STK33: variants seen among roughly 807,000 people sequenced by gnomAD.
STK33 encodes the protein serine/threonine kinase 33.
A neutral mutation model predicts 58.0 loss-of-function variants in STK33; 52 were observed. The ratio of observed to expected loss-of-function variants is 0.90; its 90% CI spans 0.72 to 1.13. The LOEUF is 1.13. Among genes scored for constraint, STK33 ranks in the 50% most tolerant of loss-of-function variants. The pLI is 0.00. For synonymous variants in STK33, 215 were observed against 200.1 expected (o/e 1.07, Z -0.63); for missense variants, 630 against 604.2 (o/e 1.04, Z -0.45).
At chr11:8,544,316 T>TATGTATATAC (rs1435121571) in intron 1 of STK33, among the ~76,000 whole-genome samples, 2 of 147,334 alleles carry the variant, frequency 1.4e-5, no homozygotes, top group East Asian at 1.9e-4. Flanking sequence ...ATATATAAAA[T>TATGTATATAC]ATGTATATAT....
Position 8,521,986 on chromosome 11 carries a change from G to A in STK33, c.-465-41372C>T, listed in dbSNP as rs1953492662. Among the ~76,000 whole-genome samples, 4 of 152,166 alleles carry A rather than the reference G, an allele frequency of 2.6e-5. No homozygotes were observed. The South Asian group carries it at 8.3e-4, about 32-fold the overall frequency. On this transcript the variant is annotated intron_variant, in intron 1 of 15. Transcript: ENST00000687296. ...AGAAAGTCAGGAAACAACAGATACT[G>A]GAGAGGATGTGGAGAAAAAAAACAC...
chr11:8,589,857 T>C (rs1212344376), intron 1 of STK33, among the ~76,000 whole-genome samples: 1 of 152,136 alleles, frequency 6.6e-6, no homozygotes, highest in Non-Finnish European at 1.5e-5. Flanking sequence ...ATAAAGAAGA[T>C]TGAGAGAAAA....
the STK33 span, among the ~76,000 whole-genome samples, chr11:8,370,401 T>C: frequency 1.3e-5 from 2 of 152,152 alleles, no homozygotes; most frequent in Admixed American, 1.3e-4. Context: ...TCTCACTGTG[T>C]TGCCCAGGCT....
At chr11:8,477,997 T>C (rs1949442858) in intron 2 of STK33, among the ~76,000 whole-genome samples, 1 of 152,206 alleles carries the variant, frequency 6.6e-6, no homozygotes, top group Non-Finnish European at 1.5e-5. Context: ...CATGCAAAAT[T>C]TCTTGACAAG....
chr11:8,470,018 A>T (rs1948620359), intron 6 of STK33, among the ~76,000 whole-genome samples: 1 of 152,360 alleles, frequency 6.6e-6, no homozygotes, highest in South Asian at 2.1e-4. Context: ...ATTTCAAAAC[A>T]ATAAATGAGC....
the STK33 span, among the ~76,000 whole-genome samples, chr11:8,372,629 C>G: frequency 2.6e-5 from 4 of 152,248 alleles, no homozygotes; most frequent in African/African-American, 9.6e-5. Flanking sequence ...ACCGCATAGG[C>G]GGGTTGAAGG....
chr11:8,398,418 T>C (rs1380390291), intron 15 of STK33, among the ~76,000 whole-genome samples: 1 of 152,138 alleles, frequency 6.6e-6, no homozygotes, highest in Non-Finnish European at 1.5e-5. Context: ...TGCTGAGAGA[T>C]TTTGTCACCA....
intron 1 of STK33, among the ~76,000 whole-genome samples, chr11:8,491,919 T>G (rs544057651): frequency 1.1e-4 from 17 of 152,280 alleles, no homozygotes; most frequent in African/African-American, 4.1e-4. Context: ...CCACCAGGCC[T>G]GCCCTAAAAG....
the STK33 span, among the ~76,000 whole-genome samples, chr11:8,384,588 T>A: frequency 6.6e-6 from 1 of 152,194 alleles, no homozygotes; most frequent in African/African-American, 2.4e-5. Flanking sequence ...TTTAACTTCC[T>A]AGAAGACAGC....
intron 1 of STK33, among the ~76,000 whole-genome samples, chr11:8,579,851 C>T (rs189883591): frequency 1.9e-4 from 29 of 152,052 alleles, no homozygotes; most frequent in East Asian, 1.5e-3. Flanking sequence ...AAATGGCAAA[C>T]GGGTATATAA....
intron 14 of STK33, among the ~76,000 whole-genome samples, chr11:8,425,667 T>C (rs1326395975): frequency 3.3e-5 from 5 of 152,220 alleles, no homozygotes; most frequent in Non-Finnish European, 5.9e-5. Context: ...ATGCTTCTTA[T>C]AAATAGTAGA....
intron 1 of STK33, among the ~76,000 whole-genome samples, chr11:8,519,121 C>A (rs925787656): frequency 3.9e-5 from 6 of 152,288 alleles, no homozygotes; most frequent in South Asian, 2.1e-4. Flanking sequence ...TGTAAAAGAA[C>A]AGAAATTATA....
At chr11:8,411,494 A>C (rs1940234908) in intron 15 of STK33, among the ~76,000 whole-genome samples, 2 of 152,100 alleles carry the variant, frequency 1.3e-5, no homozygotes, top group South Asian at 4.1e-4. Context: ...ATCCTCACTT[A>C]CCCTGTCTGC....
chr11:8,516,597 A>G (rs536984635), intron 1 of STK33, among the ~76,000 whole-genome samples: 2 of 152,220 alleles, frequency 1.3e-5, no homozygotes, highest in Non-Finnish European at 2.9e-5. Flanking sequence ...GGAAGCCGTG[A>G]TAGATGGTAC....
chr11:8,417,312 A>T (rs1391763941), intron 14 of STK33, among the ~76,000 whole-genome samples: 1 of 152,168 alleles, frequency 6.6e-6, no homozygotes, highest in African/African-American at 2.4e-5. Flanking sequence ...TATTAATTTA[A>T]TATCGAACAA....
intron 15 of STK33, among the ~76,000 whole-genome samples, chr11:8,396,235 T>C (rs906345356): frequency 3.3e-5 from 5 of 152,120 alleles, no homozygotes; most frequent in Admixed American, 6.6e-5. Context: ...TCCCGAGTAG[T>C]TGGGATTGCA....
In STK33 at chr11:8,520,428, T is replaced by C. The variant is rs549148104; in HGVS notation, c.-465-39814A>G. On this transcript the variant is annotated intron_variant, in intron 1 of 15. Coordinates refer to ENST00000687296, the MANE Select transcript of STK33 (RefSeq NM_001352389.2). Reference sequence around the variant, plus strand: ...AACTGGAAGCATTCCCTTTGAAAACTGGCACAAGACAGGGATGCCCTCTCT... The same window carrying C: ...AACTGGAAGCATTCCCTTTGAAAACCGGCACAAGACAGGGATGCCCTCTCT... Among the ~76,000 whole-genome samples the C allele has an allele frequency of 2.7e-4, 41 of 152,250 alleles. No individual in the cohort carries two copies. The East Asian group carries it at 6.9e-3, about 26-fold the overall frequency.
intron 1 of STK33, among the ~76,000 whole-genome samples, chr11:8,488,810 G>T (rs1950367352): frequency 1.3e-5 from 2 of 152,164 alleles, no homozygotes; most frequent in Admixed American, 6.5e-5. Flanking sequence ...TATGAGATAT[G>T]GGAAAGAAAA....
intron 5 of STK33, 86 bp from the exon 6 acceptor site, chr11:8,473,362 T>C: frequency 1.3e-6 from 1 of 782,042 alleles, no homozygotes; most frequent in Non-Finnish European, 2.1e-6. Context: ...GATAATCTGA[T>C]AACTCTTTAA....
Sources: gnomAD v4.1 joint callset for allele counts (sites outside exome capture counted in the v4.1 genomes callset) on GRCh38, gnomAD v4.1.1 for gene constraint, MANE v1.5 for transcripts, NCBI Gene and HGNC (gene_info 2026-07-23, HGNC 2026-07-21) for gene names.